The following ASTN2 variants were observed in gnomAD, a reference collection of about 807,000 sequenced individuals.
ASTN2 encodes the protein astrotactin-2.
In ASTN2, 54 loss-of-function variants were observed where a neutral mutation model predicts 139.8. That is an observed-to-expected ratio of 0.39 (90% CI 0.31 to 0.48). The LOEUF is 0.48. ASTN2 is among the 20% of genes least tolerant of loss of function. The probability of loss-of-function intolerance (pLI) is 0.95; values close to 1 mark genes in which losing one functional copy is unlikely to be tolerated. For synonymous variants in ASTN2, 756 were observed against 719.5 expected (o/e 1.05, Z -0.81); for missense variants, 1,565 against 1,725.1 (o/e 0.91, Z 1.64).
intron 1 of ASTN2, among the ~76,000 whole-genome samples, chr9:117,382,355 A>G (rs891622413): frequency 6.6e-6 from 1 of 152,246 alleles, no homozygotes; most frequent in African/African-American, 2.4e-5. Context: ...TCTGATCTGC[A>G]GAGACATTTA....
intron 19 of ASTN2, among the ~76,000 whole-genome samples, chr9:116,516,715 G>T (rs1404310683): frequency 6.6e-6 from 1 of 152,210 alleles, no homozygotes; most frequent in Admixed American, 6.5e-5. Context: ...TGTGATCTGG[G>T]GCAAGTTTTC....
At chr9:117,139,780 A>G (rs1020635177) in intron 4 of ASTN2, among the ~76,000 whole-genome samples, 2 of 152,242 alleles carry the variant, frequency 1.3e-5, no homozygotes, top group African/African-American at 4.8e-5. Flanking sequence ...TAATACATGT[A>G]TAAAGGAAAG....
At chr9:117,401,241 T>TTCC (rs1830819056) in intron 1 of ASTN2, among the ~76,000 whole-genome samples, 1 of 152,146 alleles carries the variant, frequency 6.6e-6, no homozygotes, top group Non-Finnish European at 1.5e-5. Flanking sequence ...CTATGTGATG[T>TTCC]TCCTCAGCTA....
At chr9:116,777,874 G>A (rs1830122710) in intron 13 of ASTN2, among the ~76,000 whole-genome samples, 1 of 3,772 alleles carries the variant, frequency 2.7e-4, no homozygotes, top group South Asian at 0.1. Context: ...TTTTGACATG[G>A]AGTCTGTTGT....
At chr9:117,090,408 G>A (rs547671409) in intron 5 of ASTN2, among the ~76,000 whole-genome samples, 112 of 151,754 alleles carry the variant, frequency 7.4e-4, no homozygotes, top group African/African-American at 2.6e-3. Context: ...TGTGCTTTGG[G>A]AAGAAGTTCT....
intron 2 of ASTN2, among the ~76,000 whole-genome samples, chr9:117,262,730 T>C (rs757278821): frequency 7.2e-5 from 11 of 152,166 alleles, no homozygotes; most frequent in Non-Finnish European, 1.3e-4. Context: ...GGAATTCAAG[T>C]TGCAAATCAG....
intron 19 of ASTN2, among the ~76,000 whole-genome samples, chr9:116,587,204 G>C (rs1315619460): frequency 6.6e-6 from 1 of 152,042 alleles, no homozygotes; most frequent in Non-Finnish European, 1.5e-5. Flanking sequence ...AGCTGGGTGT[G>C]GTGACGCATG....
intron 1 of ASTN2, among the ~76,000 whole-genome samples, chr9:117,404,971 G>A (rs1221755419): frequency 2.0e-5 from 3 of 152,234 alleles, no homozygotes; most frequent in East Asian, 1.9e-4. Flanking sequence ...TGTCAAGTGG[G>A]TCCAGGAGTA....
chr9:116,757,295 T>C (rs973478621), intron 13 of ASTN2, among the ~76,000 whole-genome samples: 3 of 152,168 alleles, frequency 2.0e-5, no homozygotes, highest in South Asian at 2.1e-4. Context: ...TATGGTTAAT[T>C]AGCTAAAATT....
chr9:117,039,261 G>A (rs975137674), intron 6 of ASTN2, among the ~76,000 whole-genome samples: 1 of 152,156 alleles, frequency 6.6e-6, no homozygotes, highest in Non-Finnish European at 1.5e-5. Context: ...AAAAAGGAAT[G>A]AGTTCATGTC....
At chr9:116,656,530 T>C (rs1196936276) in intron 16 of ASTN2, among the ~76,000 whole-genome samples, 3 of 152,098 alleles carry the variant, frequency 2.0e-5, no homozygotes, top group African/African-American at 7.2e-5. Flanking sequence ...ACATTTCCCA[T>C]CCCTCTGAAC....
intron 13 of ASTN2, among the ~76,000 whole-genome samples, chr9:116,743,535 G>A (rs1013862722): frequency 4.2e-4 from 64 of 152,108 alleles, no homozygotes; most frequent in African/African-American, 3.6e-4. Context: ...CCAGTGAGAC[G>A]GGATCTCACT....
chr9:117,021,548 G>A (rs138387122), intron 6 of ASTN2, among the ~76,000 whole-genome samples: 280 of 152,238 alleles, frequency 1.8e-3, no homozygotes, highest in Middle Eastern at 6.8e-3. Flanking sequence ...GCTATTCTTT[G>A]TTGTTGTCAA....
rs147497533 is a variant in ASTN2 at position 117,083,980 on chromosome 9, A to G, written c.1276+12064T>C. ...GCATTCAAGGAACCCTCATTTGCCA[A>G]GACTGCTTGACGTTTCTGTGGGTTT... is the stretch of plus-strand genomic sequence containing the variant. On this transcript the variant is annotated intron_variant, in intron 5 of 22. Coordinates refer to ENST00000313400, the MANE Select transcript of ASTN2 (RefSeq NM_001365068.1). Among the ~76,000 whole-genome samples, 344 of 151,634 alleles carry G rather than the reference A, an allele frequency of 2.3e-3. 2 individuals carry two copies. Among genetic ancestry groups the G allele is most frequent in the Non-Finnish European group, 3.5e-3 (239 of 67,912 alleles).
chr9:117,098,218 C>A (rs961011349), intron 4 of ASTN2, among the ~76,000 whole-genome samples: 2 of 152,128 alleles, frequency 1.3e-5, no homozygotes, highest in Admixed American at 1.3e-4. Context: ...GCTTTGTATA[C>A]AACATCTCAT....
intron 4 of ASTN2, among the ~76,000 whole-genome samples, chr9:117,132,721 G>T (rs1829854942): frequency 6.6e-6 from 1 of 152,118 alleles, no homozygotes; most frequent in Admixed American, 6.5e-5. Context: ...CGGGTTGGTG[G>T]TGGTACTCTC....
At chr9:116,931,346 C>A (rs868757804) in intron 10 of ASTN2, among the ~76,000 whole-genome samples, 1 of 152,170 alleles carries the variant, frequency 6.6e-6, no homozygotes, top group Non-Finnish European at 1.5e-5. Flanking sequence ...AAGGCTAGAA[C>A]ATCCCTGTCA....
intron 20 of ASTN2, among the ~76,000 whole-genome samples, chr9:116,480,482 G>C (rs1489159729): frequency 1.3e-5 from 2 of 152,200 alleles, no homozygotes; most frequent in African/African-American, 4.8e-5. Context: ...GTCAGTTACT[G>C]TTCTAGGTAC....
intron 10 of ASTN2, among the ~76,000 whole-genome samples, chr9:116,954,581 G>C (rs115432161): frequency 0.018 from 2,774 of 152,218 alleles, 90 homozygotes; most frequent in African/African-American, 0.064. Flanking sequence ...CAACTACTTA[G>C]CTTTGCCATT....
Sources: gnomAD v4.1 joint callset for allele counts (sites outside exome capture counted in the v4.1 genomes callset) on GRCh38, gnomAD v4.1.1 for gene constraint, MANE v1.5 for transcripts, NCBI Gene and HGNC (gene_info 2026-07-23, HGNC 2026-07-21) for gene names.